Variants in LIG1 observed in about 807,000 individuals in gnomAD.
LIG1 encodes ligase I, DNA, ATP-dependent.
In LIG1, 70 loss-of-function variants were observed where a neutral mutation model predicts 115.7. That is an observed-to-expected ratio of 0.60 (90% CI 0.50 to 0.74). LIG1 has a LOEUF of 0.74. Among genes scored for constraint, LIG1 ranks in the 30% least tolerant of loss-of-function variants. The pLI, the probability that LIG1 is intolerant of heterozygous loss-of-function variation, is 0.00. For synonymous variants in LIG1, 487 were observed against 495.3 expected, an observed-to-expected ratio of 0.98 and a Z score of 0.22; for missense variants, 1,115 against 1,225.6, an observed-to-expected ratio of 0.91 and a Z score of 1.35.
Position 48,140,047 on chromosome 19 carries a change from G to T in LIG1, c.1011C>A (p.His337Gln). The change falls in exon 12 of 28, where the codon CAC (histidine) becomes CAA (glutamine). Residue 337 changes from histidine (H) to glutamine (Q), a missense_variant. Transcript: ENST00000263274. ...CCAGGCCCTGCTGGGGTGGCCCAAG[G>T]TGGTTGAGGCTGAGGTAGAGGACAG... ...LLPVLYLSLNHLGPPQQGLEL... is the reference protein window; with the variant it reads ...LLPVLYLSLNQLGPPQQGLEL... 3 of 1,614,104 alleles carry T rather than the reference G, an allele frequency of 1.9e-6. No individual in the cohort carries two copies. Among genetic ancestry groups the T allele is most frequent in the Non-Finnish European group, 2.5e-6 (3 of 1,180,050 alleles).
At chr19:48,165,527 CAG>C (rs993365069) in intron 2 of LIG1, 21 bp downstream of exon 2, 7 of 1,572,606 alleles carry the variant, frequency 4.5e-6, no homozygotes, top group South Asian at 1.1e-5. Context: ...AGGAAAGACT[CAG>C]GGGCAAGGGA....
chr19:48,137,666 CCGGA>C lies in LIG1; in HGVS notation c.1106_1109del (p.Val369GlyfsTer55). On this transcript the variant is annotated frameshift_variant, in exon 13 of 28. Coordinates refer to ENST00000263274, the MANE Select transcript of LIG1 (RefSeq NM_000234.3). LOFTEE classifies it high-confidence loss of function. The surrounding 1 kb of genome is among the most constrained non-coding windows in gnomAD (Gnocchi z 4.3). ...CGTCGCCTTTCTCGGCTGCCTCAGC[CCGGA>C]CGGACTCCAGCTGCCGACCTTCAGG... 1 of 1,605,584 alleles carries C rather than the reference CCGGA, an allele frequency of 6.2e-7. No individual in the cohort carries two copies. Among genetic ancestry groups the C allele is most frequent in the Non-Finnish European group, 8.5e-7 (1 of 1,179,278 alleles).
chr19:48,140,533 A>G (rs1201601364), intron 11 of LIG1, among the ~76,000 whole-genome samples: 1 of 151,928 alleles, frequency 6.6e-6, no homozygotes, highest in Non-Finnish European at 1.5e-5. Flanking sequence ...CTTTTTGCCT[A>G]AGGACCTGCC....
At chr19:48,125,932 G>A (rs185613781) in intron 21 of LIG1, among the ~76,000 whole-genome samples, 1 of 147,692 alleles carries the variant, frequency 6.8e-6, no homozygotes, top group African/African-American at 2.5e-5. Context: ...AGGTTGCAGT[G>A]AGCTGAGATC....
At chr19:48,120,150 C>A in intron 24 of LIG1, 1 of 983,774 alleles carries the variant, frequency 1.0e-6, no homozygotes, top group Non-Finnish European at 1.2e-6. Context: ...TTAACGGACA[C>A]TAAGTAATCA....
Position 48,125,760 on chromosome 19 carries a change from T to C in LIG1, c.2004+1517A>G, listed in dbSNP as rs557055526. Among the ~76,000 whole-genome samples, 10 of 151,418 alleles carry C rather than the reference T, an allele frequency of 6.6e-5. No homozygotes were observed. The East Asian group carries it at 1.2e-3, about 18-fold the overall frequency. ...ATCCCAGCACTTTGGGAGGCTGAGG[T>C]GGGCAGATCACGATGTCAGGAGATC... On this transcript the variant is annotated intron_variant, in intron 21 of 27. Coordinates refer to ENST00000263274, the MANE Select transcript of LIG1 (RefSeq NM_000234.3).
chr19:48,137,674 A>C lies in LIG1; in HGVS notation c.1102T>G (p.Ser368Ala). 3 of 1,603,852 alleles carry C rather than the reference A, an allele frequency of 1.9e-6. No homozygotes were observed. Among genetic ancestry groups the C allele is most frequent in the Non-Finnish European group, 2.5e-6 (3 of 1,178,984 alleles). ...TTCTCGGCTGCCTCAGCCCGGACGG[A>C]CTCCAGCTGCCGACCTTCAGGGGAG... The part of the protein sequence containing the change: ...VAQATGRQLE[S>A]VRAEAAEKGD... Residue 368 changes from serine (S) to alanine (A), a missense_variant, in exon 13 of 28, where the codon TCC becomes GCC. By Grantham distance (99) the Ser-to-Ala change is moderately conservative. Coordinates refer to ENST00000263274, the MANE Select transcript of LIG1 (RefSeq NM_000234.3). This position sits in a 1 kb window ranked among gnomAD's most constrained non-coding sequence, Gnocchi z 4.3.
intron 19 of LIG1, among the ~76,000 whole-genome samples, chr19:48,129,343 G>A (rs34623721): frequency 0.037 from 5,682 of 152,258 alleles, 157 homozygotes; most frequent in Middle Eastern, 0.095. Context: ...CACTGTCACC[G>A]GCCAGGCCTG....
chr19:48,157,812 C>T (rs1172388088), intron 4 of LIG1, among the ~76,000 whole-genome samples: 1 of 152,188 alleles, frequency 6.6e-6, no homozygotes, highest in African/African-American at 2.4e-5. Context: ...CTCCAGAGCA[C>T]TGAGAATACA....
At chr19:48,151,447 G>C in intron 6 of LIG1, 108 bp from the exon 7 acceptor site, 1 of 773,728 alleles carries the variant, frequency 1.3e-6, no homozygotes, top group Non-Finnish European at 2.3e-6. Flanking sequence ...TCTTTTTTTT[G>C]AGACAGAGTT....
At chr19:48,125,515 T>C (rs1186376108) in intron 21 of LIG1, among the ~76,000 whole-genome samples, 2 of 152,034 alleles carry the variant, frequency 1.3e-5, no homozygotes, top group Non-Finnish European at 2.9e-5. Context: ...AAAAAACGTT[T>C]ACAGACCAGG....
At chr19:48,153,305 G>C (rs988258964) in intron 6 of LIG1, among the ~76,000 whole-genome samples, 9 of 151,636 alleles carry the variant, frequency 5.9e-5, no homozygotes, top group African/African-American at 1.2e-4. Context: ...TATTGGCCTA[G>C]GAGCATCATA....
intron 9 of LIG1, among the ~76,000 whole-genome samples, chr19:48,146,504 G>T (rs1196428151): frequency 6.6e-6 from 1 of 152,146 alleles, no homozygotes; most frequent in Admixed American, 6.5e-5. Context: ...TAACAAAAAA[G>T]TGTCTGTCTC....
chr19:48,152,940 T>C (rs2035568545), intron 6 of LIG1, among the ~76,000 whole-genome samples: 1 of 152,190 alleles, frequency 6.6e-6, no homozygotes, highest in African/African-American at 2.4e-5. Flanking sequence ...CTCACGCCTG[T>C]AATCCCAGGG....
At position 48,140,001 on chromosome 19, in the gene LIG1, C is replaced by T; in HGVS notation, c.1057G>A (p.Val353Ile). 4 of 1,614,166 alleles carry T rather than the reference C, an allele frequency of 2.5e-6. No individual in the cohort carries two copies. The South Asian group carries it at 3.3e-5, about 13-fold the overall frequency. ...QGLELGVGDG[V>I]LLKAVAQATG... The stretch of plus-strand genomic sequence containing the variant: ...GCCTGGGCCACTGCCTTGAGAAGGA[C>T]ACCATCACCCACGCCAAGCTCCAGG... The change falls in exon 12 of 28, where the codon GTC (valine) becomes ATC (isoleucine). Residue 353 changes from valine (V) to isoleucine (I), a missense_variant. Transcript: ENST00000263274.
Position 48,157,002 on chromosome 19 carries a change from G to A in LIG1, c.370+12C>T, listed in dbSNP as rs760205167. ...CAGGCGACTGAAGGGGCAGGGGCCC[G>A]TGTGTTCTCACCTGTGCGACGCTTC... On this transcript the variant is annotated intron_variant, in intron 5 of 27. Coordinates refer to ENST00000263274, the MANE Select transcript of LIG1 (RefSeq NM_000234.3). The A allele has an allele frequency of 1.9e-5, 29 of 1,509,314 alleles. No individual in the cohort carries two copies. Among genetic ancestry groups the A allele is most frequent in the East Asian group, 1.2e-4 (5 of 41,396 alleles). The allele number at this position is 1,509,314 out of a possible 1,614,324, so 93.5% of individuals were successfully genotyped here. A position where few individuals can be genotyped will look rare whatever the true frequency, so the allele number is the denominator to read the frequency against.
chr19:48,154,390 C>T (rs2122914028), intron 5 of LIG1: 1 of 260,910 alleles, frequency 3.8e-6, no homozygotes, highest in East Asian at 8.6e-5. Flanking sequence ...GAGAGGCCCT[C>T]ACCCCACGAT....
intron 17 of LIG1, 110 bp from the exon 18 acceptor site, chr19:48,133,207 T>G (rs1381520897): frequency 1.3e-6 from 1 of 784,802 alleles, no homozygotes; most frequent in South Asian, 1.4e-5. Context: ...TTTCTTGCTA[T>G]TCAGTCACGA....
intron 6 of LIG1, among the ~76,000 whole-genome samples, chr19:48,152,949 G>A (rs1016659208): frequency 6.6e-6 from 1 of 152,042 alleles, no homozygotes; most frequent in Non-Finnish European, 1.5e-5. Flanking sequence ...GTAATCCCAG[G>A]GCTTTGTGAG....
Sources: allele counts gnomAD v4.1 joint callset (sites outside exome capture counted in the v4.1 genomes callset), GRCh38; gene constraint gnomAD v4.1.1; non-coding constraint Gnocchi (gnomAD v3.1); transcripts MANE v1.5; gene names NCBI Gene and HGNC (gene_info 2026-07-23, HGNC 2026-07-21).